Variants in SV2B observed in about 807,000 individuals in gnomAD.
The protein encoded by SV2B is solute carrier family 22 member B2.
SV2B carries 41 observed loss-of-function variants against 73.9 expected under a neutral mutation model. The ratio of observed to expected loss-of-function variants is 0.56; its 90% CI spans 0.43 to 0.72. The LOEUF (loss-of-function observed/expected upper bound fraction) is 0.72, where lower values mean the gene tolerates loss of function less well. Ranked by LOEUF, SV2B falls within the 30% of genes least tolerant of loss-of-function variation. The probability of loss-of-function intolerance (pLI) is 0.00; values close to 1 mark genes in which losing one functional copy is unlikely to be tolerated. For missense variants in SV2B, 764 were observed against 857.8 expected (o/e 0.89, Z 1.37); for synonymous variants, 314 against 314.2 (o/e 1.00, Z 0.01).
intron 1 of SV2B, among the ~76,000 whole-genome samples, chr15:91,177,367 C>T (rs1417625627): frequency 1.9e-4 from 28 of 147,680 alleles, no homozygotes; most frequent in African/African-American, 4.3e-4. Flanking sequence ...ATTGACTTGG[C>T]GATGTGGGCT....
rs536657281 is a variant in SV2B at position 91,122,108 on chromosome 15, C to A, written c.-392+21745C>A. ...TTTAAAAGTAATGCTTGCCTGTTGA[C>A]TCCAGGAGTCTGACGCCAAAGACTG... is the stretch of plus-strand genomic sequence containing the variant. On this transcript the variant is annotated intron_variant, in intron 1 of 12. Coordinates refer to ENST00000394232, the MANE Select transcript of SV2B (RefSeq NM_001323032.3). The surrounding 1 kb of genome is among the most constrained non-coding windows in gnomAD (Gnocchi z 4.3). Among the ~76,000 whole-genome samples, 3 of 152,302 alleles carry A rather than the reference C, an allele frequency of 2.0e-5. No homozygotes were observed. The highest frequency in any genetic ancestry group is 6.5e-5 in the Admixed American group (1 of 15,298).
intron 1 of SV2B, among the ~76,000 whole-genome samples, chr15:91,138,500 A>C (rs1567282930): frequency 2.0e-5 from 3 of 152,238 alleles, no homozygotes; most frequent in Non-Finnish European, 4.4e-5. Flanking sequence ...AACACATTCT[A>C]TGAGAACTAT....
rs923044593 is a variant in SV2B at position 91,128,810 on chromosome 15, G to C, written c.-392+28447G>C. The stretch of plus-strand genomic sequence containing the variant: ...AGAGATGACCAGAGGAATCTAGACA[G>C]GTAGGTCTTCTGGGTTTCCTCACTT... On this transcript the variant is annotated intron_variant, in intron 1 of 12. Transcript: ENST00000394232. The surrounding 1 kb of genome is among the most constrained non-coding windows in gnomAD (Gnocchi z 4.2). 14 of 152,290 alleles carry C rather than the reference G, an allele frequency of 9.2e-5. No individual in the cohort carries two copies. Among genetic ancestry groups the C allele is most frequent in the Non-Finnish European group, 1.9e-4 (13 of 68,090 alleles). 9.4% of individuals were successfully genotyped at this position (152,290 alleles called of 1,614,324 possible).
rs1174331101 is a variant in SV2B, at chr15:91,245,132, ATCT to A, written c.452-6683_452-6681del. On this transcript the variant is annotated intron_variant, in intron 2 of 12. Transcript: ENST00000394232. The surrounding 1 kb of genome is among the most constrained non-coding windows in gnomAD (Gnocchi z 4.2). Reference sequence around the variant, plus strand: ...CTGCTGCCTCTGGTGTGGAGAGGAAATCTTCTGTCTGTGTGAAAAGCATCTCTA... The same window carrying A: ...CTGCTGCCTCTGGTGTGGAGAGGAAATCTGTCTGTGTGAAAAGCATCTCTA... Among the ~76,000 whole-genome samples the A allele has an allele frequency of 1.3e-5, 2 of 152,184 alleles. No individual in the cohort carries two copies. The highest frequency in any genetic ancestry group is 4.8e-5 in the African/African-American group (2 of 41,436).
chr15:91,284,025 C>G lies in SV2B; in HGVS notation c.1512C>G (p.Leu504=), dbSNP rs976811365. The G allele has an allele frequency of 6.2e-7, 1 of 1,614,082 alleles. No homozygotes were observed. The highest frequency in any genetic ancestry group is 8.5e-7 in the Non-Finnish European group (1 of 1,180,044). The change falls in exon 11 of 13, where the codon CTC becomes CTG. Residue 504 remains leucine (L), a synonymous_variant. Transcript: ENST00000394232. The surrounding 1 kb of genome is among the most constrained non-coding windows in gnomAD (Gnocchi z 4.5). ...IESTIFYNTD[L]YEHKFINCRF... ...AAGGTTTCCTTCTCTCCCCAGACCT[C>G]TACGAGCACAAGTTCATCAACTGTC...
chr15:91,284,567 C>T lies in SV2B; in HGVS notation c.1708+346C>T, dbSNP rs555320576. Reference sequence around the variant, plus strand: ...TTGTCAGAAAAATATATAAAATGCTCCTGGGTGATGGTTTGATGTTTGAAG... The same window carrying T: ...TTGTCAGAAAAATATATAAAATGCTTCTGGGTGATGGTTTGATGTTTGAAG... On this transcript the variant is annotated intron_variant, in intron 11 of 12. Coordinates refer to ENST00000394232, the MANE Select transcript of SV2B (RefSeq NM_001323032.3). The surrounding 1 kb of genome is among the most constrained non-coding windows in gnomAD (Gnocchi z 4.5). Among the ~76,000 whole-genome samples, 4 of 152,274 alleles carry T rather than the reference C, an allele frequency of 2.6e-5. No individual in the cohort carries two copies. Among genetic ancestry groups the T allele is most frequent in the African/African-American group, 9.6e-5 (4 of 41,536 alleles).
chr15:91,215,067 G>T (rs1407906676), intron 1 of SV2B, among the ~76,000 whole-genome samples: 1 of 152,198 alleles, frequency 6.6e-6, no homozygotes, highest in Non-Finnish European at 1.5e-5. Context: ...GGAGGGACAG[G>T]TTCTGTCTCC....
At chr15:91,173,941 G>A (rs1451606389) in intron 1 of SV2B, among the ~76,000 whole-genome samples, 1 of 152,086 alleles carries the variant, frequency 6.6e-6, no homozygotes, top group African/African-American at 2.4e-5. Context: ...TCATCCTTGG[G>A]ATTTTGGGTT....
chr15:91,200,931 C>G (rs996917127), intron 1 of SV2B, among the ~76,000 whole-genome samples: 3 of 152,116 alleles, frequency 2.0e-5, no homozygotes, highest in African/African-American at 7.2e-5. Context: ...GAAAAGAAAA[C>G]AAAACAAAAC....
At position 91,288,199 on chromosome 15, in the gene SV2B, C is replaced by T. The variant is rs974588846; in HGVS notation, c.1709-1322C>T. 6.6e-6 allele frequency among the ~76,000 whole-genome samples: 1 copy of T among 152,076 alleles called. No homozygotes were observed. Among genetic ancestry groups the T allele is most frequent in the African/African-American group, 2.4e-5 (1 of 41,376 alleles). On this transcript the variant is annotated intron_variant, in intron 11 of 12. Transcript: ENST00000394232. This position sits in a 1 kb window ranked among gnomAD's most constrained non-coding sequence, Gnocchi z 5.8. ...TTCTTCAGGTTTCCCTTCAATAGCC[C>T]ATGTACAGGTGTGTTCTCACCAGGT...
intron 1 of SV2B, among the ~76,000 whole-genome samples, chr15:91,146,438 T>A (rs779145123): frequency 2.0e-5 from 3 of 152,226 alleles, no homozygotes; most frequent in Admixed American, 2.0e-4. Flanking sequence ...GGGCTCTTTT[T>A]AAATTCTATA....
intron 1 of SV2B, among the ~76,000 whole-genome samples, chr15:91,135,307 C>A (rs1383443741): frequency 1.3e-5 from 2 of 152,194 alleles, no homozygotes; most frequent in Non-Finnish European, 2.9e-5. Context: ...CCGTTGGAGG[C>A]AATATCCACC....
intron 1 of SV2B, among the ~76,000 whole-genome samples, chr15:91,202,570 C>T (rs943179739): frequency 1.3e-5 from 2 of 152,114 alleles, no homozygotes; most frequent in African/African-American, 2.4e-5. Flanking sequence ...GAGTAAATAC[C>T]TATAAAAAGC....
At chr15:91,279,949 G>T (rs1400431825) in intron 9 of SV2B, among the ~76,000 whole-genome samples, 1 of 152,128 alleles carries the variant, frequency 6.6e-6, no homozygotes, top group Non-Finnish European at 1.5e-5. Flanking sequence ...AGCAAATTTG[G>T]CCCTAAGAAA....
intron 1 of SV2B, among the ~76,000 whole-genome samples, chr15:91,149,078 C>G (rs1207300021): frequency 1.3e-5 from 2 of 152,214 alleles, no homozygotes; most frequent in Non-Finnish European, 2.9e-5. Flanking sequence ...AGCTCTTAAT[C>G]CTGGTGGATT....
chr15:91,199,929 G>A (rs935647789), intron 1 of SV2B, among the ~76,000 whole-genome samples: 3 of 152,200 alleles, frequency 2.0e-5, no homozygotes, highest in African/African-American at 4.8e-5. Context: ...TGGGCCTGCA[G>A]GCTGAGGGTC....
Position 91,118,291 on chromosome 15 carries a change from G to C in SV2B, c.-392+17928G>C, listed in dbSNP as rs2042234040. Among the ~76,000 whole-genome samples the C allele has an allele frequency of 2.0e-5, 3 of 152,164 alleles. No homozygotes were observed. The highest frequency in any genetic ancestry group is 7.2e-5 in the African/African-American group (3 of 41,426). On this transcript the variant is annotated intron_variant, in intron 1 of 12. Coordinates refer to ENST00000394232, the MANE Select transcript of SV2B (RefSeq NM_001323032.3). This position sits in a 1 kb window ranked among gnomAD's most constrained non-coding sequence, Gnocchi z 4.7. ...TTCAGGAGAGTGCTTTAGAGGGTTT[G>C]ATGTGTGCCCTGGAGTTTGGGGCAT...
chr15:91,237,361 C>A (rs1244580159), intron 2 of SV2B, among the ~76,000 whole-genome samples: 3 of 152,182 alleles, frequency 2.0e-5, no homozygotes, highest in African/African-American at 7.2e-5. Flanking sequence ...CACCCTGCTC[C>A]CAGTTGTGAC....
At position 91,122,203 on chromosome 15, in the gene SV2B, C is replaced by G. The variant is rs1304663105; in HGVS notation, c.-392+21840C>G. Among the ~76,000 whole-genome samples, 1 of 152,210 alleles carries G rather than the reference C, an allele frequency of 6.6e-6. No individual in the cohort carries two copies. The highest frequency in any genetic ancestry group is 1.5e-5 in the Non-Finnish European group (1 of 68,036). ...ATCTCAGCTACTAGAAATGTATTATCTCATCGATATATGTTCCATTAAAGC... is the reference window on the plus strand; with the variant it reads ...ATCTCAGCTACTAGAAATGTATTATGTCATCGATATATGTTCCATTAAAGC... On this transcript the variant is annotated intron_variant, in intron 1 of 12. Coordinates refer to ENST00000394232, the MANE Select transcript of SV2B (RefSeq NM_001323032.3). The surrounding 1 kb of genome is among the most constrained non-coding windows in gnomAD (Gnocchi z 4.3).
Sources: gnomAD v4.1 joint callset for allele counts (sites outside exome capture counted in the v4.1 genomes callset) on GRCh38, gnomAD v4.1.1 for gene constraint, Gnocchi (gnomAD v3.1) non-coding constraint, MANE v1.5 for transcripts, NCBI Gene and HGNC (gene_info 2026-07-23, HGNC 2026-07-21) for gene names.